Variants in METTL25 observed in about 807,000 individuals in gnomAD.
The protein encoded by METTL25 is probable methyltransferase-like protein 25.
A neutral mutation model predicts 71.6 loss-of-function variants in METTL25; 64 were observed. That is an observed-to-expected ratio of 0.89 (90% CI 0.73 to 1.10). The LOEUF (loss-of-function observed/expected upper bound fraction) is 1.10, where lower values mean the gene tolerates loss of function less well. Among genes scored for constraint, METTL25 ranks in the 50% least tolerant of loss-of-function variants. The probability of loss-of-function intolerance (pLI) is 0.00; values close to 1 mark genes in which losing one functional copy is unlikely to be tolerated. For missense variants in METTL25, 807 were observed against 707.0 expected, an observed-to-expected ratio of 1.14 and a Z score of -1.60; for synonymous variants, 287 against 250.3, an observed-to-expected ratio of 1.15 and a Z score of -1.38.
At chr12:82,375,106 A>G (rs1221443077) in intron 1 of METTL25, among the ~76,000 whole-genome samples, 1 of 152,240 alleles carries the variant, frequency 6.6e-6, no homozygotes, top group Admixed American at 6.5e-5. Context: ...AATTAGGAGA[A>G]TCAGCAGAGG....
chr12:82,372,281 C>T (rs1029722434), intron 1 of METTL25, among the ~76,000 whole-genome samples: 1 of 152,130 alleles, frequency 6.6e-6, no homozygotes, highest in Non-Finnish European at 1.5e-5. Context: ...TCCCTTCCCC[C>T]TACAGCTTGA....
chr12:82,416,348 CT>C (rs1408925475), intron 5 of METTL25, among the ~76,000 whole-genome samples: 6 of 151,398 alleles, frequency 4.0e-5, no homozygotes, highest in African/African-American at 1.5e-4. Context: ...TATTATTATT[CT>C]TCTGGTTATA....
chr12:82,425,687 C>T (rs1215459887), intron 5 of METTL25, among the ~76,000 whole-genome samples: 3 of 151,902 alleles, frequency 2.0e-5, no homozygotes, highest in African/African-American at 2.4e-5. Flanking sequence ...CAAAACAAAG[C>T]GACTAAAGAT....
intron 3 of METTL25, among the ~76,000 whole-genome samples, chr12:82,393,664 A>C (rs1885809874): frequency 6.6e-6 from 1 of 151,944 alleles, no homozygotes; most frequent in Non-Finnish European, 1.5e-5. Context: ...ATGTTGAATA[A>C]AAATGGTGAA....
intron 9 of METTL25, among the ~76,000 whole-genome samples, chr12:82,461,491 G>A (rs1004854494): frequency 1.3e-5 from 2 of 152,148 alleles, no homozygotes; most frequent in Non-Finnish European, 2.9e-5. Flanking sequence ...AATCCAGGCT[G>A]TCTAACTCTA....
At chr12:82,404,722 C>G (rs1886931200) in intron 5 of METTL25, among the ~76,000 whole-genome samples, 1 of 152,088 alleles carries the variant, frequency 6.6e-6, no homozygotes, top group Non-Finnish European at 1.5e-5. Context: ...GCAGGCAGAT[C>G]ACCTGAGGTC....
chr12:82,458,128 A>G (rs1346372226), intron 9 of METTL25, among the ~76,000 whole-genome samples: 1 of 152,050 alleles, frequency 6.6e-6, no homozygotes, highest in African/African-American at 2.4e-5. Context: ...AACCACAGCA[A>G]ATGTTTATTA....
intron 3 of METTL25, among the ~76,000 whole-genome samples, chr12:82,395,303 T>C (rs1885968773): frequency 6.6e-6 from 1 of 151,928 alleles, no homozygotes; most frequent in Non-Finnish European, 1.5e-5. Flanking sequence ...AAAGAGGTAA[T>C]GAGGGATTTG....
intron 1 of METTL25, among the ~76,000 whole-genome samples, chr12:82,375,371 A>G (rs542013304): frequency 1.3e-5 from 2 of 152,298 alleles, no homozygotes; most frequent in South Asian, 2.1e-4. Context: ...AGCAGAGAGC[A>G]ACCCTCAATC....
chr12:82,439,088 T>C (rs550830731), intron 8 of METTL25: 44 of 191,646 alleles, frequency 2.3e-4, no homozygotes, highest in Non-Finnish European at 4.0e-4. Context: ...GACGATATTA[T>C]ATGAGCAAGA....
intron 8 of METTL25, among the ~76,000 whole-genome samples, chr12:82,443,206 G>A (rs1890482190): frequency 6.6e-6 from 1 of 151,964 alleles, no homozygotes; most frequent in Non-Finnish European, 1.5e-5. Flanking sequence ...ATCTTATGAT[G>A]AAGTAAAAAG....
chr12:82,445,710 G>A (rs548539225), intron 8 of METTL25, among the ~76,000 whole-genome samples: 16 of 152,296 alleles, frequency 1.1e-4, no homozygotes, highest in Non-Finnish European at 1.6e-4. Context: ...ACAAGAAAAA[G>A]TTGATTTGCT....
At chr12:82,386,554 G>A (rs1051003624) in intron 1 of METTL25, among the ~76,000 whole-genome samples, 1 of 147,956 alleles carries the variant, frequency 6.8e-6, no homozygotes, top group African/African-American at 2.5e-5. Context: ...CCATAAAAAA[G>A]GCCTGATTGT....
chr12:82,430,890 C>A lies in METTL25; in HGVS notation c.1280-3C>A. 6.5e-7 allele frequency: 1 copy of A among 1,536,268 alleles called. No individual in the cohort carries two copies. The highest frequency in any genetic ancestry group is 8.9e-7 in the Non-Finnish European group (1 of 1,119,670). On this transcript the variant is annotated splice_polypyrimidine_tract_variant and splice_region_variant and intron_variant, in intron 5 of 11. Transcript: ENST00000248306. ...ATAATCCGTATTTTTCCCCCATCTGCAGAACGTACTCAGGAAAAGTGGGGA... is the reference window on the plus strand; with the variant it reads ...ATAATCCGTATTTTTCCCCCATCTGAAGAACGTACTCAGGAAAAGTGGGGA...
chr12:82,423,618 G>A (rs965395919), intron 5 of METTL25, among the ~76,000 whole-genome samples: 2 of 152,172 alleles, frequency 1.3e-5, no homozygotes, highest in Non-Finnish European at 2.9e-5. Flanking sequence ...CTACAGAATG[G>A]GAGAAAATTT....
At chr12:82,467,160 A>G (rs574727183) in intron 9 of METTL25, among the ~76,000 whole-genome samples, 1 of 151,702 alleles carries the variant, frequency 6.6e-6, no homozygotes, top group South Asian at 2.1e-4. Flanking sequence ...GCCAGTTCAT[A>G]TGTTTAAAGT....
intron 1 of METTL25, among the ~76,000 whole-genome samples, chr12:82,360,194 C>T (rs897974977): frequency 1.3e-5 from 2 of 152,020 alleles, no homozygotes; most frequent in African/African-American, 4.8e-5. Flanking sequence ...GACTTTAATA[C>T]GTGTTTAGCC....
chr12:82,359,071 G>A (rs1459834471), intron 1 of METTL25, among the ~76,000 whole-genome samples: 1 of 152,206 alleles, frequency 6.6e-6, no homozygotes, highest in Non-Finnish European at 1.5e-5. Context: ...AAACAGGGCA[G>A]GGGAGTTCCT....
chr12:82,370,872 C>T (rs527384164), intron 1 of METTL25, among the ~76,000 whole-genome samples: 1 of 152,148 alleles, frequency 6.6e-6, no homozygotes, highest in East Asian at 1.9e-4. Context: ...CTGTTCTCCT[C>T]TCTCCTTCTT....
Sources: allele counts gnomAD v4.1 joint callset (sites outside exome capture counted in the v4.1 genomes callset), GRCh38; gene constraint gnomAD v4.1.1; transcripts MANE v1.5; gene names NCBI Gene and HGNC (gene_info 2026-07-23, HGNC 2026-07-21).